GSG1L: variants seen among roughly 807,000 people sequenced by gnomAD.
GSG1L encodes GSG1 like.
GSG1L carries 24 observed loss-of-function variants against 42.1 expected under a neutral mutation model. The ratio of observed to expected loss-of-function variants is 0.57; its 90% CI spans 0.41 to 0.80. The LOEUF is 0.80. Among genes scored for constraint, GSG1L ranks in the 30% least tolerant of loss-of-function variants. GSG1L has a pLI of 0.00. For synonymous variants in GSG1L, 215 were observed against 203.5 expected (o/e 1.06, Z -0.48); for missense variants, 445 against 472.2 (o/e 0.94, Z 0.53).
At chr16:27,886,167 C>T (rs1277203632) in intron 2 of GSG1L, among the ~76,000 whole-genome samples, 11 of 152,032 alleles carry the variant, frequency 7.2e-5, no homozygotes, top group East Asian at 1.9e-4. Flanking sequence ...TGGCTGGGCA[C>T]GGTGGCTCAT....
At chr16:27,979,749 G>GGAAAGAAAGAAA (rs71140937) in intron 1 of GSG1L, among the ~76,000 whole-genome samples, 13,265 of 98,066 alleles carry the variant, frequency 0.14, 1,314 homozygotes, top group Non-Finnish European at 0.18. Flanking sequence ...AAGAAAGAAA[G>GGAAAGAAAGAAA]GAAAGAAAGA....
chr16:28,045,042 G>A (rs1040439076), intron 1 of GSG1L, among the ~76,000 whole-genome samples: 1 of 152,160 alleles, frequency 6.6e-6, no homozygotes, highest in Non-Finnish European at 1.5e-5. Context: ...AGGATCAATG[G>A]TTGCCAGGAG....
At chr16:27,974,775 C>G (rs536581318) in intron 1 of GSG1L, among the ~76,000 whole-genome samples, 2 of 152,124 alleles carry the variant, frequency 1.3e-5, no homozygotes, top group Admixed American at 1.3e-4. Context: ...ACTGGGTGAC[C>G]GTGAGAGGGT....
intron 3 of GSG1L, among the ~76,000 whole-genome samples, chr16:27,860,420 C>A (rs1272201642): frequency 1.3e-5 from 2 of 152,216 alleles, no homozygotes; most frequent in Non-Finnish European, 1.5e-5. Context: ...GCCTTTCCAG[C>A]CCCTGCAATA....
chr16:27,888,499 CTTTCTTTCTTTCTTTCT>C lies in GSG1L; in HGVS notation c.398-3878_398-3862del, dbSNP rs1567505943. Among the ~76,000 whole-genome samples the C allele has an allele frequency of 3.1e-4, 2 of 6,464 alleles. 1 individual carries two copies. Among genetic ancestry groups the C allele is most frequent in the Non-Finnish European group, 7.7e-4 (2 of 2,600 alleles). The allele number at this position is 6,464 out of a possible 152,430, so 4.2% of individuals were successfully genotyped here. ...CTCTCTTTCCTTTCTTTCTTTCTTT[CTTTCTTTCTTTCTTTCT>C]TTCTTTCTTTCTTTCTTTCTTTCTT... On this transcript the variant is annotated intron_variant, in intron 2 of 6. Transcript: ENST00000447459.
intron 3 of GSG1L, among the ~76,000 whole-genome samples, chr16:27,867,442 T>C (rs2141006397): frequency 6.6e-6 from 1 of 152,246 alleles, no homozygotes; most frequent in South Asian, 2.1e-4. Flanking sequence ...TGGGCCTGGC[T>C]CCCACCTCTA....
intron 1 of GSG1L, among the ~76,000 whole-genome samples, chr16:27,990,972 ACTTAAAAAGAGT>A (rs2085449245): frequency 6.6e-6 from 1 of 152,252 alleles, no homozygotes; most frequent in Non-Finnish European, 1.5e-5. Flanking sequence ...AGCAAAGCCA[ACTTAAAAAGAGT>A]CTATGTGGTC....
intron 6 of GSG1L, among the ~76,000 whole-genome samples, chr16:27,806,411 T>A (rs1051887108): frequency 6.6e-6 from 1 of 152,212 alleles, no homozygotes; most frequent in African/African-American, 2.4e-5. Flanking sequence ...CCTTCTTAGT[T>A]TGGATTCCCC....
chr16:27,804,040 T>TAGATAC (rs1555500783), intron 6 of GSG1L, among the ~76,000 whole-genome samples: 31 of 85,786 alleles, frequency 3.6e-4, no homozygotes, highest in African/African-American at 1.1e-3. Flanking sequence ...ATTAGATGGA[T>TAGATAC]AGATAGATAG....
chr16:27,877,011 CG>C (rs1194463193), intron 3 of GSG1L, among the ~76,000 whole-genome samples: 1 of 152,154 alleles, frequency 6.6e-6, no homozygotes, highest in Non-Finnish European at 1.5e-5. Flanking sequence ...AGGAATTTTC[CG>C]AACGACTTTC....
chr16:27,802,325 C>T (rs1482329651), intron 6 of GSG1L, among the ~76,000 whole-genome samples: 1 of 152,146 alleles, frequency 6.6e-6, no homozygotes, highest in African/African-American at 2.4e-5. Context: ...CACGGGATCT[C>T]TCACGCATGC....
chr16:28,046,356 T>C (rs1205176511), intron 1 of GSG1L, among the ~76,000 whole-genome samples: 1 of 140,916 alleles, frequency 7.1e-6, no homozygotes, highest in Non-Finnish European at 1.5e-5. Flanking sequence ...TTTTTTTTTT[T>C]TTTTTTTTTT....
chr16:27,787,531 C>G lies in GSG1L; in HGVS notation c.*3839G>C, dbSNP rs1398115678. 1 of 152,222 alleles carries G rather than the reference C, an allele frequency of 6.6e-6. No individual in the cohort carries two copies. Among genetic ancestry groups the G allele is most frequent in the Non-Finnish European group, 1.5e-5 (1 of 68,040 alleles). 9.4% of individuals were successfully genotyped at this position (152,222 alleles called of 1,614,324 possible). A position where few individuals can be genotyped will look rare whatever the true frequency, so the allele number is the denominator to read the frequency against. ...GTCCGCATATCATAACCACATACCA[C>G]TTGCACGATTATTTATTTAATATTT... On this transcript the variant is annotated 3_prime_UTR_variant, in exon 7 of 7. Transcript: ENST00000447459.
At chr16:27,980,770 T>C (rs919456470) in intron 1 of GSG1L, among the ~76,000 whole-genome samples, 1 of 151,958 alleles carries the variant, frequency 6.6e-6, no homozygotes, top group Non-Finnish European at 1.5e-5. Flanking sequence ...TAATTCCAGC[T>C]ACTCTGGAGG....
intron 1 of GSG1L, among the ~76,000 whole-genome samples, chr16:28,002,429 T>G (rs533210448): frequency 4.1e-4 from 62 of 152,216 alleles, no homozygotes; most frequent in Non-Finnish European, 6.9e-4. Flanking sequence ...AAGACTAGCC[T>G]GGGCAACGTG....
In GSG1L at chr16:27,790,055, AATGG is replaced by A. The variant is rs372606988; in HGVS notation, c.*1311_*1314del. The A allele has an allele frequency of 6.7e-5, 10 of 148,356 alleles. No homozygotes were observed. The highest frequency in any genetic ancestry group is 2.0e-4 in the African/African-American group (8 of 40,138). 9.2% of individuals were successfully genotyped at this position (148,356 alleles called of 1,614,324 possible). On this transcript the variant is annotated 3_prime_UTR_variant, in exon 7 of 7. Coordinates refer to ENST00000447459, the MANE Select transcript of GSG1L (RefSeq NM_001109763.2). Reference sequence around the variant, plus strand: ...CTGATGAATGAGTGGATGGATGGCAAATGGATGGATGAATGGATAGATGATGGAT... The same window carrying A: ...CTGATGAATGAGTGGATGGATGGCAAATGGATGAATGGATAGATGATGGAT...
At chr16:27,898,674 TTCTC>T (rs71140920) in intron 2 of GSG1L, among the ~76,000 whole-genome samples, 67,105 of 147,850 alleles carry the variant, frequency 0.45, 15,987 homozygotes, top group East Asian at 0.54. Flanking sequence ...TCCTCCCTCT[TTCTC>T]TCTCTCTCTC....
At chr16:27,869,651 G>C (rs371533918) in intron 3 of GSG1L, among the ~76,000 whole-genome samples, 21 of 69,354 alleles carry the variant, frequency 3.0e-4, no homozygotes, top group South Asian at 5.8e-4. Flanking sequence ...TCTCCTCTCT[G>C]TCTTCCTCCA....
chr16:27,943,221 A>G (rs934140519), intron 2 of GSG1L, among the ~76,000 whole-genome samples: 1 of 151,998 alleles, frequency 6.6e-6, no homozygotes, highest in Non-Finnish European at 1.5e-5. Flanking sequence ...CACCCAGCCA[A>G]AATTTGCATT....
Sources: gnomAD v4.1 joint callset for allele counts (sites outside exome capture counted in the v4.1 genomes callset) on GRCh38, gnomAD v4.1.1 for gene constraint, MANE v1.5 for transcripts, NCBI Gene and HGNC (gene_info 2026-07-23, HGNC 2026-07-21) for gene names.